The following EYS variants were observed in gnomAD, a reference collection of about 807,000 sequenced individuals.
The protein encoded by EYS is protein eyes shut homolog.
In EYS, 250 loss-of-function variants were observed where a neutral mutation model predicts 282.1. The ratio of observed to expected loss-of-function variants is 0.89; its 90% CI spans 0.80 to 0.98. The LOEUF is 0.98. Ranked by LOEUF, EYS falls within the 50% of genes least tolerant of loss-of-function variation. EYS has a pLI of 0.00. For synonymous variants in EYS, 1,355 were observed against 1,282.9 expected (o/e 1.06, Z -1.20); for missense variants, 4,016 against 3,709.0 (o/e 1.08, Z -2.15).
At chr6:64,353,603 G>A (rs368764959) in intron 29 of EYS, among the ~76,000 whole-genome samples, 107 of 151,734 alleles carry the variant, frequency 7.1e-4, no homozygotes, top group African/African-American at 2.5e-3. Context: ...GGATAAAGGC[G>A]TTTAGGTTAC....
intron 31 of EYS, among the ~76,000 whole-genome samples, chr6:64,221,117 CAG>C (rs1271479258): frequency 2.0e-5 from 3 of 152,120 alleles, no homozygotes; most frequent in African/African-American, 7.2e-5. Context: ...GAGTTTAGGA[CAG>C]TGTGTATGTA....
At chr6:64,659,540 A>T (rs1013184321) in intron 22 of EYS, among the ~76,000 whole-genome samples, 1 of 152,094 alleles carries the variant, frequency 6.6e-6, no homozygotes, top group African/African-American at 2.4e-5. Context: ...GCAATAAAAA[A>T]TGATAAAGGG....
intron 12 of EYS, among the ~76,000 whole-genome samples, chr6:65,138,869 A>C (rs1776097413): frequency 1.3e-5 from 2 of 152,106 alleles, no homozygotes; most frequent in South Asian, 4.1e-4. Context: ...AGAAGTGCAA[A>C]TCAAAACCAC....
At chr6:65,047,430 G>T (rs1773137186) in intron 13 of EYS, among the ~76,000 whole-genome samples, 1 of 151,732 alleles carries the variant, frequency 6.6e-6, no homozygotes, top group African/African-American at 2.4e-5. Flanking sequence ...TCAAATCTAA[G>T]AATTCTTTGA....
intron 26 of EYS, among the ~76,000 whole-genome samples, chr6:64,511,473 G>T (rs1382880351): frequency 2.0e-5 from 3 of 151,810 alleles, no homozygotes; most frequent in Admixed American, 6.6e-5. Flanking sequence ...GTGTTCTTGA[G>T]GCTTCAATTT....
At chr6:64,101,874 G>T (rs1208962001) in intron 31 of EYS, among the ~76,000 whole-genome samples, 1 of 151,858 alleles carries the variant, frequency 6.6e-6, no homozygotes, top group Non-Finnish European at 1.5e-5. Context: ...GTCCCATCTG[G>T]GGGTGATGTA....
chr6:64,436,349 T>A, intron 27 of EYS, 84 bp from the exon 28 acceptor site: 1 of 709,898 alleles, frequency 1.4e-6, no homozygotes, highest in Non-Finnish European at 2.4e-6. Flanking sequence ...TTATTATTTA[T>A]CAATATATTT....
intron 12 of EYS, among the ~76,000 whole-genome samples, chr6:65,294,323 G>C (rs559492476): frequency 6.6e-6 from 1 of 151,948 alleles, no homozygotes; most frequent in Non-Finnish European, 1.5e-5. Context: ...AGGAAAGCCA[G>C]AGGATTTTTT....
At chr6:64,573,140 C>T (rs1052545907) in intron 26 of EYS, among the ~76,000 whole-genome samples, 1 of 152,160 alleles carries the variant, frequency 6.6e-6, no homozygotes, top group Admixed American at 6.5e-5. Flanking sequence ...ACCATCTGAT[C>T]TTTGACAAAC....
chr6:64,463,426 T>C (rs896489589), intron 26 of EYS, among the ~76,000 whole-genome samples: 1 of 152,224 alleles, frequency 6.6e-6, no homozygotes, highest in African/African-American at 2.4e-5. Flanking sequence ...GAACTACTTT[T>C]CATCTAAATA....
At chr6:64,033,062 T>C (rs951048068) in intron 33 of EYS, among the ~76,000 whole-genome samples, 1 of 152,150 alleles carries the variant, frequency 6.6e-6, no homozygotes, top group South Asian at 2.1e-4. Context: ...CTCCTATCAC[T>C]CAGGAGGTTA....
chr6:64,871,417 G>A (rs1370596509), intron 19 of EYS, among the ~76,000 whole-genome samples: 2 of 151,692 alleles, frequency 1.3e-5, no homozygotes, highest in African/African-American at 4.8e-5. Flanking sequence ...AGGGCATTGT[G>A]GTATTGGAGT....
intron 26 of EYS, among the ~76,000 whole-genome samples, chr6:64,471,954 A>G (rs1776134912): frequency 6.9e-6 from 1 of 145,584 alleles, no homozygotes; most frequent in Non-Finnish European, 1.5e-5. Context: ...AAGAGCTAGA[A>G]GCAAAAACTG....
intron 26 of EYS, among the ~76,000 whole-genome samples, chr6:64,551,355 G>A (rs931642230): frequency 6.6e-6 from 1 of 151,842 alleles, no homozygotes; most frequent in Non-Finnish European, 1.5e-5. Context: ...AGGGGCAGAA[G>A]GAGTCTTTGA....
At chr6:64,700,738 G>GA (rs971534214) in intron 22 of EYS, among the ~76,000 whole-genome samples, 1 of 151,750 alleles carries the variant, frequency 6.6e-6, no homozygotes, top group East Asian at 1.9e-4. Context: ...TCAAACAAAT[G>GA]AAAAAAACAT....
At chr6:65,531,320 T>C (rs574406092) in intron 2 of EYS, among the ~76,000 whole-genome samples, 1 of 152,214 alleles carries the variant, frequency 6.6e-6, no homozygotes, top group East Asian at 1.9e-4. Flanking sequence ...ACATTTATCA[T>C]GGCATGAGTT....
intron 13 of EYS, among the ~76,000 whole-genome samples, chr6:65,037,688 T>C (rs569630935): frequency 2.3e-4 from 35 of 151,748 alleles, no homozygotes; most frequent in Admixed American, 3.3e-4. Context: ...TTGTTATTAG[T>C]TGTTAAGATT....
chr6:64,542,572 G>C (rs1032371558), intron 26 of EYS, among the ~76,000 whole-genome samples: 1 of 152,072 alleles, frequency 6.6e-6, no homozygotes, highest in Non-Finnish European at 1.5e-5. Flanking sequence ...GATTGTGAAA[G>C]TAGGTTTTTG....
intron 12 of EYS, among the ~76,000 whole-genome samples, chr6:65,277,571 T>C (rs1409538508): frequency 6.6e-6 from 1 of 152,132 alleles, no homozygotes. Context: ...GCTGGCACCC[T>C]CATTTTGAAC....
Sources: gnomAD v4.1 joint callset for allele counts (sites outside exome capture counted in the v4.1 genomes callset) on GRCh38, gnomAD v4.1.1 for gene constraint, MANE v1.5 for transcripts, NCBI Gene and HGNC (gene_info 2026-07-23, HGNC 2026-07-21) for gene names.